PLCG2: variants seen among roughly 807,000 people sequenced by gnomAD.
The protein encoded by PLCG2 is 1-phosphatidylinositol 4,5-bisphosphate phosphodiesterase gamma-2.
Under a neutral mutation model 175.6 loss-of-function variants are expected in PLCG2, and 69 were observed. The ratio of observed to expected loss-of-function variants is 0.39; its 90% CI spans 0.32 to 0.48. PLCG2 has a LOEUF of 0.48. Ranked by LOEUF, PLCG2 falls within the 20% of genes least tolerant of loss-of-function variation. PLCG2 has a pLI of 0.91. For synonymous variants in PLCG2, 827 were observed against 624.0 expected, an observed-to-expected ratio of 1.33 and a Z score of -4.85; for missense variants, 1,798 against 1,650.9, an observed-to-expected ratio of 1.09 and a Z score of -1.54.
chr16:81,948,902 G>T (rs577303306), intron 31 of PLCG2, among the ~76,000 whole-genome samples: 1 of 152,236 alleles, frequency 6.6e-6, no homozygotes, highest in African/African-American at 2.4e-5. Context: ...GCTGGCAGTT[G>T]AAACTGAGCC....
chr16:81,862,768 G>T (rs1597360563), intron 5 of PLCG2, among the ~76,000 whole-genome samples: 1 of 152,094 alleles, frequency 6.6e-6, no homozygotes, highest in Admixed American at 6.6e-5. Flanking sequence ...CTACTTGAGA[G>T]GCTGAGGTGG....
chr16:81,821,108 T>A (rs753887553), intron 2 of PLCG2, among the ~76,000 whole-genome samples: 1 of 152,338 alleles, frequency 6.6e-6, no homozygotes, highest in Admixed American at 6.5e-5. Flanking sequence ...GCTAGGCTGG[T>A]CTAGAACTCC....
chr16:81,819,806 G>A (rs750519277), intron 2 of PLCG2, among the ~76,000 whole-genome samples: 3 of 152,046 alleles, frequency 2.0e-5, no homozygotes, highest in Non-Finnish European at 2.9e-5. Flanking sequence ...GGCTGGTCTC[G>A]AACTCCTGAC....
At chr16:81,919,411 C>G in intron 19 of PLCG2, 73 bp from the exon 20 acceptor site, 1 of 1,177,766 alleles carries the variant, frequency 8.5e-7, no homozygotes, top group East Asian at 2.3e-5. Context: ...TGTATCTAAT[C>G]AGTAGGGTTT....
intron 7 of PLCG2, among the ~76,000 whole-genome samples, chr16:81,879,230 G>C (rs1907962413): frequency 6.6e-6 from 1 of 152,170 alleles, no homozygotes; most frequent in South Asian, 2.1e-4. Context: ...TTTGGGCTTG[G>C]AAGTGTTCTA....
At chr16:81,741,969 CA>C (rs1397273516) in intron 1 of PLCG2, among the ~76,000 whole-genome samples, 1 of 152,168 alleles carries the variant, frequency 6.6e-6, no homozygotes, top group African/African-American at 2.4e-5. Flanking sequence ...TGCAGAACGC[CA>C]GAGCGCGTTC....
intron 4 of PLCG2, 56 bp downstream of exon 4, chr16:81,858,412 CT>C: frequency 8.1e-7 from 1 of 1,229,456 alleles, no homozygotes; most frequent in Non-Finnish European, 1.2e-6. Flanking sequence ...ATTCTGCTGC[CT>C]TTAGCCAACA....
At chr16:81,861,714 T>C (rs1906990543) in intron 5 of PLCG2, among the ~76,000 whole-genome samples, 1 of 152,168 alleles carries the variant, frequency 6.6e-6, no homozygotes, top group Admixed American at 6.5e-5. Context: ...ATAGCTGAGA[T>C]TGGCACAGGG....
intron 22 of PLCG2, 68 bp downstream of exon 22, chr16:81,923,662 T>A: frequency 1.0e-6 from 1 of 959,160 alleles, no homozygotes; most frequent in East Asian, 2.5e-5. Flanking sequence ...GTGATAAGAC[T>A]CAGGTGCTGG....
At chr16:81,850,235 G>A (rs1166767324) in intron 2 of PLCG2, among the ~76,000 whole-genome samples, 1 of 152,130 alleles carries the variant, frequency 6.6e-6, no homozygotes, top group Non-Finnish European at 1.5e-5. Flanking sequence ...AGTTTTGTTA[G>A]GTGTAAGGTT....
At chr16:81,930,787 A>G (rs970635226) in intron 24 of PLCG2, among the ~76,000 whole-genome samples, 1 of 149,838 alleles carries the variant, frequency 6.7e-6, no homozygotes, top group Admixed American at 6.7e-5. Context: ...TTTATTCTTT[A>G]TATGTAAAAG....
chr16:81,910,504 C>T lies in PLCG2; in HGVS notation c.1734-16C>T, dbSNP rs200892679. ...GCCTGCGTTCTCCCAGCACTGATGG[C>T]GTCCTCTCCCCGCAGGCGGTCAGGC... is the stretch of plus-strand genomic sequence containing the variant. On this transcript the variant is annotated splice_polypyrimidine_tract_variant and intron_variant, in intron 17 of 32. Coordinates refer to ENST00000564138, the MANE Select transcript of PLCG2 (RefSeq NM_002661.5). 88 of 1,612,078 alleles carry T rather than the reference C, an allele frequency of 5.5e-5. No individual in the cohort carries two copies. Among genetic ancestry groups the T allele is most frequent in the African/African-American group, 9.3e-5 (7 of 74,928 alleles).
chr16:81,896,569 C>T (rs1453637027), intron 13 of PLCG2, among the ~76,000 whole-genome samples: 1 of 152,022 alleles, frequency 6.6e-6, no homozygotes, highest in Non-Finnish European at 1.5e-5. Flanking sequence ...CAGAGCGAGA[C>T]CCTGTCTCAA....
At chr16:81,892,750 C>T (rs965838912) in intron 11 of PLCG2, among the ~76,000 whole-genome samples, 1 of 152,138 alleles carries the variant, frequency 6.6e-6, no homozygotes, top group African/African-American at 2.4e-5. Flanking sequence ...ATTATTTTGT[C>T]ACCCAGGCAT....
chr16:81,935,831 C>T (rs8043619), intron 26 of PLCG2: 255,276 of 984,798 alleles, frequency 0.26, 34,990 homozygotes, highest in African/African-American at 0.49. Context: ...AGATCTTCTC[C>T]TACCCAAAAC....
rs541607252 is a variant in PLCG2, at chr16:81,958,792, G to A, written c.*794G>A. On this transcript the variant is annotated 3_prime_UTR_variant, in exon 33 of 33. Coordinates refer to ENST00000564138, the MANE Select transcript of PLCG2 (RefSeq NM_002661.5). ...TAGTCCCTCATGGCCCTACTGAACT[G>A]GCTGGGAGGCTGCTGGAATGGCCCT... is the stretch of plus-strand genomic sequence containing the variant. 4.5e-6 allele frequency: 1 copy of A among 221,024 alleles called. No homozygotes were observed. The highest frequency in any genetic ancestry group is 1.8e-4 in the South Asian group (1 of 5,440). The allele number at this position is 221,024 out of a possible 1,614,324, so 13.7% of individuals were successfully genotyped here. A position where few individuals can be genotyped will look rare whatever the true frequency, so the allele number is the denominator to read the frequency against.
At chr16:81,775,180 C>T (rs1294024787), upstream of PLCG2, among the ~76,000 whole-genome samples, 1 of 152,162 alleles carries the variant, frequency 6.6e-6, no homozygotes, top group East Asian at 1.9e-4. Flanking sequence ...CATTTTAGAA[C>T]ATTCTTATCA....
intron 1 of PLCG2, among the ~76,000 whole-genome samples, chr16:81,742,630 A>T (rs1909619887): frequency 6.6e-6 from 1 of 152,210 alleles, no homozygotes; most frequent in Admixed American, 6.5e-5. Flanking sequence ...GACAGGAGTG[A>T]CCACAGGCAT....
At chr16:81,789,004 A>G (rs1911106825) in intron 2 of PLCG2, among the ~76,000 whole-genome samples, 2 of 152,234 alleles carry the variant, frequency 1.3e-5, no homozygotes, top group Non-Finnish European at 2.9e-5. Flanking sequence ...TCCCAAACCT[A>G]GCTGCCCATC....
Sources: allele counts gnomAD v4.1 joint callset (sites outside exome capture counted in the v4.1 genomes callset), GRCh38; gene constraint gnomAD v4.1.1; transcripts MANE v1.5; gene names NCBI Gene and HGNC (gene_info 2026-07-23, HGNC 2026-07-21).